The following NXPH2 variants were observed in gnomAD, a reference collection of about 807,000 sequenced individuals.
NXPH2 encodes neurexophilin 2, also known as neurexophilin-2.
A neutral mutation model predicts 19.8 loss-of-function variants in NXPH2; 5 were observed. The observed-to-expected ratio is 0.25, with a 90% CI of 0.13 to 0.53. The LOEUF is 0.53. NXPH2 is among the 20% of genes least tolerant of loss of function. NXPH2 has a pLI of 0.96. For missense variants in NXPH2, 289 were observed against 322.8 expected (o/e 0.90, Z 0.80); for synonymous variants, 154 against 127.4 (o/e 1.21, Z -1.41).
intron 1 of NXPH2, among the ~76,000 whole-genome samples, chr2:138,729,099 C>G (rs756133399): frequency 2.7e-5 from 4 of 150,708 alleles, no homozygotes; most frequent in Non-Finnish European, 4.4e-5. Flanking sequence ...TTCTCCCAAG[C>G]TATCCAGCTT....
chr2:138,687,732 G>C (rs1178078914), intron 1 of NXPH2, among the ~76,000 whole-genome samples: 2 of 152,168 alleles, frequency 1.3e-5, no homozygotes, highest in Non-Finnish European at 2.9e-5. Context: ...GTAAGGAAGG[G>C]ATCAAGTTTC....
At chr2:138,778,867 A>G (rs1418729314) in intron 1 of NXPH2, among the ~76,000 whole-genome samples, 2 of 152,244 alleles carry the variant, frequency 1.3e-5, no homozygotes, top group African/African-American at 2.4e-5. Flanking sequence ...ATATTTGGGC[A>G]TATCATTGCA....
intron 1 of NXPH2, among the ~76,000 whole-genome samples, chr2:138,676,039 T>C (rs1680480043): frequency 6.6e-6 from 1 of 152,080 alleles, no homozygotes; most frequent in African/African-American, 2.4e-5. Flanking sequence ...TAGCACATCA[T>C]ATTTCTAGCT....
At chr2:138,756,707 T>C (rs1681915467) in intron 1 of NXPH2, among the ~76,000 whole-genome samples, 1 of 152,146 alleles carries the variant, frequency 6.6e-6, no homozygotes, top group Admixed American at 6.5e-5. Flanking sequence ...AGCAACTCTA[T>C]TGGCAGAAGC....
chr2:138,739,210 T>C (rs889717354), intron 1 of NXPH2, among the ~76,000 whole-genome samples: 17 of 152,324 alleles, frequency 1.1e-4, no homozygotes, highest in Admixed American at 3.3e-4. Context: ...TGCTTTTCAT[T>C]CAACCAAGTA....
chr2:138,751,005 G>C (rs918121822), intron 1 of NXPH2, among the ~76,000 whole-genome samples: 1 of 151,840 alleles, frequency 6.6e-6, no homozygotes, highest in African/African-American at 2.4e-5. Context: ...GTGCTCTCCT[G>C]CTTAACCCCA....
At chr2:138,757,119 T>G (rs556023823) in intron 1 of NXPH2, among the ~76,000 whole-genome samples, 3 of 152,204 alleles carry the variant, frequency 2.0e-5, no homozygotes, top group Non-Finnish European at 4.4e-5. Flanking sequence ...ACACTTTACA[T>G]AGAGATTTCC....
chr2:138,679,955 A>G (rs1265086381), intron 1 of NXPH2, among the ~76,000 whole-genome samples: 1 of 152,102 alleles, frequency 6.6e-6, no homozygotes, highest in East Asian at 1.9e-4. Context: ...CAATCAAATC[A>G]GTGCATTGCA....
chr2:138,681,730 TA>T (rs1396774082), intron 1 of NXPH2, among the ~76,000 whole-genome samples: 2 of 152,292 alleles, frequency 1.3e-5, no homozygotes, highest in East Asian at 3.9e-4. Flanking sequence ...TCAGTACAAA[TA>T]TTTTTTTAAA....
intron 1 of NXPH2, among the ~76,000 whole-genome samples, chr2:138,757,112 C>A (rs192144993): frequency 2.6e-5 from 4 of 152,270 alleles, no homozygotes; most frequent in Non-Finnish European, 4.4e-5. Flanking sequence ...GTATTGAACA[C>A]TTTACATAGA....
In NXPH2 at chr2:138,670,754, C is replaced by T. The variant is rs943017193; in HGVS notation, c.*168G>A. ...ACCTACGATAGAAAGAAACAAATTT[C>T]ACACTTAAAGATGTCTCTTTTTCTT... On this transcript the variant is annotated 3_prime_UTR_variant, in exon 2 of 2. Transcript: ENST00000272641. 1 of 646,722 alleles carries T rather than the reference C, an allele frequency of 1.5e-6. No homozygotes were observed. Among genetic ancestry groups the T allele is most frequent in the African/African-American group, 1.8e-5 (1 of 54,106 alleles). 40.1% of individuals were successfully genotyped at this position (646,722 alleles called of 1,614,324 possible).
chr2:138,771,611 T>C (rs1682178344), intron 1 of NXPH2, among the ~76,000 whole-genome samples: 1 of 152,022 alleles, frequency 6.6e-6, no homozygotes, highest in Non-Finnish European at 1.5e-5. Context: ...GGGCAGCTGG[T>C]GAAAGAATGG....
Position 138,670,264 on chromosome 2 carries a change from G to C in NXPH2, c.*658C>G, listed in dbSNP as rs964001867. The stretch of plus-strand genomic sequence containing the variant: ...TTACATCAGTATTCAAACTCAGGGG[G>C]AATCATAAGAATGGTGACCAACACA... On this transcript the variant is annotated 3_prime_UTR_variant, in exon 2 of 2. Coordinates refer to ENST00000272641, the MANE Select transcript of NXPH2 (RefSeq NM_007226.3). Among the ~76,000 whole-genome samples the C allele has an allele frequency of 5.3e-5, 8 of 152,246 alleles. 1 individual carries two copies. Among genetic ancestry groups the C allele is most frequent in the Admixed American group, 2.6e-4 (4 of 15,282 alleles).
At chr2:138,674,567 G>A (rs72860152) in intron 1 of NXPH2, among the ~76,000 whole-genome samples, 12,773 of 152,152 alleles carry the variant, frequency 0.084, 787 homozygotes, top group Non-Finnish European at 0.11. Flanking sequence ...TTACAGGAGC[G>A]AACCATCATG....
At chr2:138,733,553 G>T (rs992616226) in intron 1 of NXPH2, among the ~76,000 whole-genome samples, 34 of 152,266 alleles carry the variant, frequency 2.2e-4, no homozygotes, top group African/African-American at 7.9e-4. Context: ...GTGAAGTCTT[G>T]CACTTAAACT....
At position 138,689,795 on chromosome 2, in the gene NXPH2, G is replaced by A. The variant is rs114559926; in HGVS notation, c.52-18130C>T. On this transcript the variant is annotated intron_variant, in intron 1 of 1. Transcript: ENST00000272641. ...GTGATTCATTAGGTCTTTATGTACAGAGAAATATCAAGACATGAACTCATC... is the reference window on the plus strand; with the variant it reads ...GTGATTCATTAGGTCTTTATGTACAAAGAAATATCAAGACATGAACTCATC... Among the ~76,000 whole-genome samples, 1,211 of 152,282 alleles carry A rather than the reference G, an allele frequency of 8.0e-3. 9 individuals carry two copies. Among genetic ancestry groups the A allele is most frequent in the Non-Finnish European group, 9.6e-3 (651 of 68,020 alleles).
intron 1 of NXPH2, among the ~76,000 whole-genome samples, chr2:138,759,289 A>T (rs1179067880): frequency 1.3e-5 from 2 of 152,172 alleles, no homozygotes; most frequent in African/African-American, 4.8e-5. Flanking sequence ...AGAGGCATGG[A>T]TTCAAGAAAC....
chr2:138,728,600 G>T (rs72869502), intron 1 of NXPH2, among the ~76,000 whole-genome samples: 12,718 of 152,170 alleles, frequency 0.084, 796 homozygotes, highest in Non-Finnish European at 0.11. Flanking sequence ...CAAAAAGAAG[G>T]CTTTTTACCT....
At chr2:138,708,083 G>T (rs1356980281) in intron 1 of NXPH2, among the ~76,000 whole-genome samples, 1 of 152,142 alleles carries the variant, frequency 6.6e-6, no homozygotes, top group Non-Finnish European at 1.5e-5. Context: ...CTCATGTGTG[G>T]CACTGTGCTT....
Sources: gnomAD v4.1 joint callset for allele counts (sites outside exome capture counted in the v4.1 genomes callset) on GRCh38, gnomAD v4.1.1 for gene constraint, MANE v1.5 for transcripts, NCBI Gene and HGNC (gene_info 2026-07-23, HGNC 2026-07-21) for gene names.